The following KDM7A variants were observed in gnomAD, a reference collection of about 807,000 sequenced individuals.
KDM7A encodes lysine demethylase 7A.
In KDM7A, 28 loss-of-function variants were observed where a neutral mutation model predicts 114.8. That is an observed-to-expected ratio of 0.24 (90% confidence interval 0.18 to 0.33). KDM7A has a LOEUF of 0.33. Among genes scored for constraint, KDM7A ranks in the 10% least tolerant of loss-of-function variants. The probability of loss-of-function intolerance (pLI) is 1.00; values close to 1 mark genes in which losing one functional copy is unlikely to be tolerated. For missense variants in KDM7A, 942 were observed against 1,142.5 expected (o/e 0.82, Z 2.53); for synonymous variants, 423 against 397.8 (o/e 1.06, Z -0.75).
intron 2 of KDM7A, among the ~76,000 whole-genome samples, chr7:140,134,677 G>A (rs533517088): frequency 2.6e-5 from 4 of 152,162 alleles, no homozygotes; most frequent in African/African-American, 9.6e-5. Flanking sequence ...TGGGTAGACA[G>A]CAGAATAGTT....
At chr7:140,123,856 G>A (rs987348295) in intron 7 of KDM7A, among the ~76,000 whole-genome samples, 3 of 152,094 alleles carry the variant, frequency 2.0e-5, no homozygotes, top group African/African-American at 7.2e-5. Context: ...CGGATCACGA[G>A]GTCAGGAGAT....
At chr7:140,142,257 T>C (rs1794291909) in intron 1 of KDM7A, among the ~76,000 whole-genome samples, 1 of 151,160 alleles carries the variant, frequency 6.6e-6, no homozygotes, top group Non-Finnish European at 1.5e-5. Flanking sequence ...CAAAAAGCAC[T>C]GTCCATAAGG....
chr7:140,147,991 T>C (rs541834499), intron 1 of KDM7A, among the ~76,000 whole-genome samples: 1 of 152,310 alleles, frequency 6.6e-6, no homozygotes, highest in Admixed American at 6.5e-5. Flanking sequence ...ACTAAGCCTA[T>C]AGTAAGCAAT....
chr7:140,157,380 C>T (rs1030125694), intron 1 of KDM7A, among the ~76,000 whole-genome samples: 1 of 152,236 alleles, frequency 6.6e-6, no homozygotes, highest in African/African-American at 2.4e-5. Flanking sequence ...TGAGGCCAGG[C>T]ACAGTGGCCC....
intron 1 of KDM7A, among the ~76,000 whole-genome samples, chr7:140,150,877 G>A (rs1328356381): frequency 7.0e-6 from 1 of 142,566 alleles, no homozygotes; most frequent in African/African-American, 2.7e-5. Context: ...TGCCCAGGCT[G>A]GAGTGCAATG....
chr7:140,170,060 T>C (rs1451972980), intron 1 of KDM7A, among the ~76,000 whole-genome samples: 1 of 152,204 alleles, frequency 6.6e-6, no homozygotes, highest in Non-Finnish European at 1.5e-5. Context: ...GGAAGATACT[T>C]ATTCACCTAA....
intron 1 of KDM7A, among the ~76,000 whole-genome samples, chr7:140,167,095 C>G (rs1394875308): frequency 6.6e-6 from 1 of 151,768 alleles, no homozygotes; most frequent in African/African-American, 2.4e-5. Flanking sequence ...CTGAAAGACA[C>G]AAAAGTAGAT....
chr7:140,145,040 C>T (rs1345922972), intron 1 of KDM7A, among the ~76,000 whole-genome samples: 2 of 152,162 alleles, frequency 1.3e-5, no homozygotes, highest in African/African-American at 2.4e-5. Flanking sequence ...TCAATTAAAC[C>T]TCTTCTCTAT....
intron 13 of KDM7A, 112 bp downstream of exon 13, chr7:140,099,787 C>T (rs1361066712): frequency 2.1e-6 from 2 of 933,080 alleles, no homozygotes; most frequent in East Asian, 4.9e-5. Flanking sequence ...AAAAAACTGT[C>T]TTCCACAAAA....
chr7:140,097,092 C>A, intron 15 of KDM7A, 45 bp from the exon 16 acceptor site: 1 of 1,482,974 alleles, frequency 6.7e-7, no homozygotes, highest in South Asian at 1.2e-5. Context: ...AAGAAATTGA[C>A]CAAGTCTGTA....
chr7:140,175,057 C>T (rs183053904), intron 1 of KDM7A, among the ~76,000 whole-genome samples: 6 of 152,084 alleles, frequency 3.9e-5, no homozygotes, highest in Admixed American at 2.0e-4. Flanking sequence ...ATTCTAGTTG[C>T]GTAGAATATG....
Position 140,176,307 on chromosome 7 carries a change from A to C in KDM7A, c.194+437T>G. ...AGGCAGGCGCGTCGGCCGGCCGGGC[A>C]GAGCGGCGGGGCGGCCGGCGACTCC... On this transcript the variant is annotated intron_variant, in intron 1 of 19. Transcript: ENST00000397560. This position sits in a 1 kb window ranked among gnomAD's most constrained non-coding sequence, Gnocchi z 4.4. Among the ~76,000 whole-genome samples, 1 of 145,210 alleles carries C rather than the reference A, an allele frequency of 6.9e-6. No homozygotes were observed. Among genetic ancestry groups the C allele is most frequent in the African/African-American group, 2.5e-5 (1 of 40,528 alleles).
intron 1 of KDM7A, among the ~76,000 whole-genome samples, chr7:140,144,929 C>T (rs1423396208): frequency 6.6e-6 from 1 of 152,140 alleles, no homozygotes; most frequent in Non-Finnish European, 1.5e-5. Flanking sequence ...CATGAGAGCA[C>T]CTACTCCCCC....
At chr7:140,169,575 G>A (rs1044891126) in intron 1 of KDM7A, among the ~76,000 whole-genome samples, 1 of 152,102 alleles carries the variant, frequency 6.6e-6, no homozygotes, top group East Asian at 1.9e-4. Flanking sequence ...GCCCACCGTG[G>A]AGTGCAGTGG....
intron 1 of KDM7A, among the ~76,000 whole-genome samples, chr7:140,139,870 T>G (rs1031778550): frequency 2.0e-5 from 3 of 152,208 alleles, no homozygotes; most frequent in African/African-American, 7.2e-5. Context: ...AGACATTAGA[T>G]ATAAATGAGG....
chr7:140,130,998 C>T (rs1018774747), intron 3 of KDM7A, among the ~76,000 whole-genome samples: 20 of 151,184 alleles, frequency 1.3e-4, no homozygotes, highest in African/African-American at 3.4e-4. Context: ...GGACTACAGG[C>T]GCCCGCCACC....
intron 1 of KDM7A, among the ~76,000 whole-genome samples, chr7:140,154,079 T>C (rs1451912395): frequency 6.6e-6 from 1 of 152,158 alleles, no homozygotes; most frequent in African/African-American, 2.4e-5. Context: ...GTGACTGAAA[T>C]TTGAATCCTG....
chr7:140,175,760 T>TCCG lies in KDM7A; in HGVS notation c.194+981_194+983dup, dbSNP rs936520936. On this transcript the variant is annotated intron_variant, in intron 1 of 19. Coordinates refer to ENST00000397560, the MANE Select transcript of KDM7A (RefSeq NM_030647.2). ...GCGGCGGCTGAATCAGAGGGCAGCG[T>TCCG]CCGCCGCCGCCGCCAGCCGGCCCCG... is the stretch of plus-strand genomic sequence containing the variant. 1.3e-4 allele frequency among the ~76,000 whole-genome samples: 19 copies of TCCG among 151,532 alleles called. 1 individual carries two copies. The Middle Eastern group carries it at 0.01, about 83-fold the overall frequency.
chr7:140,134,114 C>T (rs1818832429), intron 2 of KDM7A, among the ~76,000 whole-genome samples: 1 of 152,114 alleles, frequency 6.6e-6, no homozygotes, highest in Admixed American at 6.5e-5. Context: ...AAGACTTACT[C>T]CCTAAATAAG....
Sources: allele counts gnomAD v4.1 joint callset (sites outside exome capture counted in the v4.1 genomes callset), GRCh38; gene constraint gnomAD v4.1.1; non-coding constraint Gnocchi (gnomAD v3.1); transcripts MANE v1.5; gene names NCBI Gene and HGNC (gene_info 2026-07-23, HGNC 2026-07-21).